Variants in ASIC2 observed in about 807,000 individuals in gnomAD.
ASIC2 encodes the protein acid sensing ion channel subunit 2, also known as acid-sensing ion channel 2.
Under a neutral mutation model 57.3 loss-of-function variants are expected in ASIC2, and 25 were observed. The observed-to-expected ratio is 0.44, with a 90% confidence interval of 0.32 to 0.61. The LOEUF (loss-of-function observed/expected upper bound fraction) is 0.61. ASIC2 is among the 20% of genes least tolerant of loss of function. The pLI is 0.06. For synonymous variants in ASIC2, 319 were observed against 307.5 expected, an observed-to-expected ratio of 1.04 and a Z score of -0.39; for missense variants, 641 against 738.1, an observed-to-expected ratio of 0.87 and a Z score of 1.52.
rs1391998355 is a variant in ASIC2, at chr17:33,399,723, G to A, written c.556-287656C>T. Among the ~76,000 whole-genome samples, 3 of 152,142 alleles carry A rather than the reference G, an allele frequency of 2.0e-5. No homozygotes were observed. In the East Asian group the frequency reaches 5.8e-4, roughly 29 times the overall value. On this transcript the variant is annotated intron_variant, in intron 1 of 9. Transcript: ENST00000359872. Reference sequence around the variant, plus strand: ...CCCAGCCTCCTGGCATTTCTGATGGGAGAGAAAGCCACAGGCAGAAAGCCT... The same window carrying A: ...CCCAGCCTCCTGGCATTTCTGATGGAAGAGAAAGCCACAGGCAGAAAGCCT...
At chr17:33,929,199 C>T (rs1162897059) in intron 1 of ASIC2, among the ~76,000 whole-genome samples, 2 of 152,188 alleles carry the variant, frequency 1.3e-5, no homozygotes, top group African/African-American at 4.8e-5. Context: ...CTGTTTTGTT[C>T]CCTCATTAGC....
intron 1 of ASIC2, among the ~76,000 whole-genome samples, chr17:33,909,218 C>T (rs1234887410): frequency 6.6e-6 from 1 of 152,210 alleles, no homozygotes; most frequent in Admixed American, 6.5e-5. Flanking sequence ...CAGTTTATTA[C>T]AATTCCTGTA....
At chr17:33,151,203 GCGCA>G (rs1567764342) in intron 1 of ASIC2, among the ~76,000 whole-genome samples, 3 of 141,954 alleles carry the variant, frequency 2.1e-5, no homozygotes, top group East Asian at 2.0e-4. Context: ...ACACACACGC[GCGCA>G]CACACACACA....
intron 1 of ASIC2, among the ~76,000 whole-genome samples, chr17:33,215,773 C>T (rs1200567397): frequency 2.6e-5 from 4 of 151,314 alleles, no homozygotes; most frequent in Non-Finnish European, 4.4e-5. Flanking sequence ...GATCTCGGCT[C>T]ACTGCAGGCT....
chr17:33,125,727 G>A (rs957428221), intron 1 of ASIC2, among the ~76,000 whole-genome samples: 4 of 152,198 alleles, frequency 2.6e-5, no homozygotes, highest in Non-Finnish European at 4.4e-5. Context: ...ACTCTTCAGC[G>A]TAATTGCATA....
At chr17:33,338,530 A>G (rs544604088) in intron 1 of ASIC2, among the ~76,000 whole-genome samples, 1 of 152,272 alleles carries the variant, frequency 6.6e-6, no homozygotes, top group African/African-American at 2.4e-5. Flanking sequence ...TCACAGAGGG[A>G]AAAAGGAACA....
intron 1 of ASIC2, among the ~76,000 whole-genome samples, chr17:33,579,305 T>A (rs67338988): frequency 0.019 from 1,796 of 93,858 alleles, 34 homozygotes; most frequent in African/African-American, 0.076. Context: ...AAAAAAAAAA[T>A]GCAGGTGGGT....
Position 33,759,171 on chromosome 17 carries a change from G to A in ASIC2, c.555+396807C>T, listed in dbSNP as rs370502265. 5.3e-5 allele frequency among the ~76,000 whole-genome samples: 8 copies of A among 152,298 alleles called. No individual in the cohort carries two copies. The East Asian group carries it at 1.2e-3, about 22-fold the overall frequency. On this transcript the variant is annotated intron_variant, in intron 1 of 9. Transcript: ENST00000359872. ...CCATTCAAATGAGGTTTCACATGGAGGTGGTGAACAAGGTATTGGAAACTG... is the reference window on the plus strand; with the variant it reads ...CCATTCAAATGAGGTTTCACATGGAAGTGGTGAACAAGGTATTGGAAACTG...
intron 1 of ASIC2, among the ~76,000 whole-genome samples, chr17:33,907,030 C>T (rs961887199): frequency 6.6e-6 from 1 of 152,100 alleles, no homozygotes; most frequent in South Asian, 2.1e-4. Context: ...AGGATGTAAT[C>T]AGCTCTTAAC....
chr17:33,348,883 C>T lies in ASIC2; in HGVS notation c.556-236816G>A, dbSNP rs372446298. Reference sequence around the variant, plus strand: ...CTCATGTGTCCCCAGCCCAGACCACCGAGGTCAATAAGCAAAGCAGGCTGG... The same window carrying T: ...CTCATGTGTCCCCAGCCCAGACCACTGAGGTCAATAAGCAAAGCAGGCTGG... On this transcript the variant is annotated intron_variant, in intron 1 of 9. Transcript: ENST00000359872. 1.1e-4 allele frequency among the ~76,000 whole-genome samples: 16 copies of T among 152,214 alleles called. No homozygotes were observed. The South Asian group carries it at 2.9e-3, about 28-fold the overall frequency.
chr17:34,153,142 T>C (rs1239086992), intron 1 of ASIC2, among the ~76,000 whole-genome samples: 1 of 152,176 alleles, frequency 6.6e-6, no homozygotes, highest in African/African-American at 2.4e-5. Flanking sequence ...GCACATCAGC[T>C]AAGAGCTTGG....
At chr17:33,441,454 T>C (rs1911819213) in intron 1 of ASIC2, among the ~76,000 whole-genome samples, 1 of 152,258 alleles carries the variant, frequency 6.6e-6, no homozygotes, top group East Asian at 1.9e-4. Flanking sequence ...CATTTAGGTC[T>C]ATGTTCCAGT....
At chr17:33,410,593 C>G (rs1910624721) in intron 1 of ASIC2, among the ~76,000 whole-genome samples, 1 of 152,144 alleles carries the variant, frequency 6.6e-6, no homozygotes. Context: ...CCCATCAGAT[C>G]AGGCTGTAGT....
intron 1 of ASIC2, among the ~76,000 whole-genome samples, chr17:33,672,059 A>C (rs1179813380): frequency 6.6e-6 from 1 of 152,186 alleles, no homozygotes; most frequent in African/African-American, 2.4e-5. Flanking sequence ...TCCAGAATAA[A>C]AGAAGTCTCT....
intron 1 of ASIC2, among the ~76,000 whole-genome samples, chr17:34,035,784 G>A (rs1907851358): frequency 6.6e-6 from 1 of 152,180 alleles, no homozygotes; most frequent in African/African-American, 2.4e-5. Flanking sequence ...GTGAAAAAAT[G>A]CTCACCATCA....
intron 1 of ASIC2, among the ~76,000 whole-genome samples, chr17:34,111,999 G>A (rs1218067171): frequency 6.6e-6 from 1 of 152,026 alleles, no homozygotes; most frequent in African/African-American, 2.4e-5. Context: ...ATAGCCATAT[G>A]GAAAAAATTC....
At chr17:34,018,188 C>T (rs1907035362) in intron 1 of ASIC2, among the ~76,000 whole-genome samples, 1 of 151,642 alleles carries the variant, frequency 6.6e-6, no homozygotes, top group African/African-American at 2.4e-5. Flanking sequence ...ATCCTAGGGC[C>T]CTTAATAATT....
At position 34,068,303 on chromosome 17, in the gene ASIC2, C is replaced by T. The variant is rs541187546; in HGVS notation, c.555+87675G>A. Reference sequence around the variant, plus strand: ...AGGAATCAGCTTTCGGGGTCTGCCTCGACTTAGGGTTTTTCTGGGTTACAG... The same window carrying T: ...AGGAATCAGCTTTCGGGGTCTGCCTTGACTTAGGGTTTTTCTGGGTTACAG... On this transcript the variant is annotated intron_variant, in intron 1 of 9. Coordinates refer to the ASIC2 transcript ENST00000359872. Among the ~76,000 whole-genome samples, 283 of 152,210 alleles carry T rather than the reference C, an allele frequency of 1.9e-3. 1 individual carries two copies. The highest frequency in any genetic ancestry group is 2.7e-3 in the Non-Finnish European group (184 of 68,000).
At position 33,014,031 on chromosome 17, in the gene ASIC2, G is replaced by A. The variant is rs145075394; in HGVS notation, c.1626C>T (p.Thr542=). 6.6e-5 allele frequency: 106 copies of A among 1,605,094 alleles called. No individual in the cohort carries two copies. The East Asian group carries it at 2.0e-3, about 31-fold the overall frequency. Residue 542 remains threonine, a synonymous_variant, in exon 10 of 10, where the codon ACC becomes ACT. Transcript: ENST00000225823. ...GGGGCACGTTCACAGTGTGACTGAT[G>A]GTTTCAGAGTGGTTTGGCATTGTGT... ...TCDTMPNHSE[T]ISHTVNVPLQ...
Sources: allele counts gnomAD v4.1 joint callset (sites outside exome capture counted in the v4.1 genomes callset), GRCh38; gene constraint gnomAD v4.1.1; transcripts MANE v1.5; gene names NCBI Gene and HGNC (gene_info 2026-07-23, HGNC 2026-07-21).